The following TSPAN18 variants were observed in gnomAD, a reference collection of about 807,000 sequenced individuals.
TSPAN18 encodes the protein tetraspanin-18.
In TSPAN18, 14 loss-of-function variants were observed where a neutral mutation model predicts 27.3. The ratio of observed to expected loss-of-function variants is 0.51; its 90% CI spans 0.34 to 0.80. TSPAN18 has a LOEUF of 0.80. Ranked by LOEUF, TSPAN18 falls within the 30% of genes least tolerant of loss-of-function variation. The probability of loss-of-function intolerance (pLI) is 0.01; values close to 1 mark genes in which losing one functional copy is unlikely to be tolerated. For missense variants in TSPAN18, 268 were observed against 323.9 expected (o/e 0.83, Z 1.32); for synonymous variants, 143 against 136.5 (o/e 1.05, Z -0.33).
chr11:44,840,928 A>G (rs1307216251), intron 2 of TSPAN18, among the ~76,000 whole-genome samples: 3 of 152,150 alleles, frequency 2.0e-5, no homozygotes, highest in Non-Finnish European at 4.4e-5. Flanking sequence ...CCAAGGGCGC[A>G]GTGAGAATTA....
Position 44,919,379 on chromosome 11 carries a change from C to T in TSPAN18, c.432+67C>T. The T allele has an allele frequency of 3.0e-6, 4 of 1,343,830 alleles. No homozygotes were observed. The Middle Eastern group carries it at 7.2e-4, about 242-fold the overall frequency. The allele number at this position is 1,343,830 out of a possible 1,614,324, so 83.2% of individuals were successfully genotyped here. A position where few individuals can be genotyped will look rare whatever the true frequency, so the allele number is the denominator to read the frequency against. On this transcript the variant is annotated intron_variant, in intron 7 of 9. Transcript: ENST00000520358. ...GATGCCCAGTGTTCACATGCCCACG[C>T]CAGGCATCAGTAATCAATCCAGGCA...
chr11:44,844,426 G>C (rs1300312420), intron 2 of TSPAN18, among the ~76,000 whole-genome samples: 2 of 152,208 alleles, frequency 1.3e-5, no homozygotes, highest in Non-Finnish European at 2.9e-5. Flanking sequence ...CTGTCAAATA[G>C]AGTGGGCATG....
chr11:44,771,090 C>G lies in TSPAN18; in HGVS notation c.-153+6578C>G, dbSNP rs1159496108. On this transcript the variant is annotated intron_variant, in intron 2 of 9. Transcript: ENST00000520358. ...AGCCATCAGCTTATAGAGAGTATTT[C>G]AAACCTTTGACCATAATGAGATCAC... 2.0e-5 allele frequency among the ~76,000 whole-genome samples: 3 copies of G among 152,120 alleles called. No homozygotes were observed. The East Asian group carries it at 5.8e-4, about 29-fold the overall frequency.
At chr11:44,788,538 A>G (rs1590469015) in intron 2 of TSPAN18, among the ~76,000 whole-genome samples, 1 of 148,120 alleles carries the variant, frequency 6.8e-6, no homozygotes, top group African/African-American at 2.5e-5. Flanking sequence ...GCTCACTGCA[A>G]CCTCTGACTC....
chr11:44,844,509 C>A (rs1857440736), intron 2 of TSPAN18, among the ~76,000 whole-genome samples: 1 of 152,220 alleles, frequency 6.6e-6, no homozygotes, highest in African/African-American at 2.4e-5. Context: ...TTGGCATCAT[C>A]TGCCCAGTTT....
chr11:44,771,741 G>A (rs927091551), intron 2 of TSPAN18, among the ~76,000 whole-genome samples: 6 of 152,176 alleles, frequency 3.9e-5, no homozygotes, highest in Non-Finnish European at 2.9e-5. Flanking sequence ...GCTATCATGA[G>A]TAAACTAGAG....
intron 5 of TSPAN18, among the ~76,000 whole-genome samples, chr11:44,915,261 C>T (rs1859863219): frequency 6.6e-6 from 1 of 152,186 alleles, no homozygotes; most frequent in South Asian, 2.1e-4. Flanking sequence ...CCATCCATCA[C>T]CAGCCAAATG....
chr11:44,740,853 T>A (rs1186306749), intron 1 of TSPAN18, among the ~76,000 whole-genome samples: 1 of 152,238 alleles, frequency 6.6e-6, no homozygotes, highest in Non-Finnish European at 1.5e-5. Flanking sequence ...GGTTGAGATC[T>A]TGGCTCACTG....
chr11:44,921,213 C>T (rs1225926800), intron 8 of TSPAN18, among the ~76,000 whole-genome samples: 5 of 152,114 alleles, frequency 3.3e-5, no homozygotes, highest in Non-Finnish European at 5.9e-5. Context: ...CCACTGTGGA[C>T]GTGGGGCAGA....
chr11:44,903,149 G>A lies in TSPAN18; in HGVS notation c.-10-3258G>A, dbSNP rs760369540. ...GCAGTGGTAGATGTCAGCAGAAGCC[G>A]TGGGATATTATACTAGGGGAAGGCA... On this transcript the variant is annotated intron_variant, in intron 3 of 9. Coordinates refer to ENST00000520358, the MANE Select transcript of TSPAN18 (RefSeq NM_130783.5). Among the ~76,000 whole-genome samples the A allele has an allele frequency of 1.7e-4, 26 of 152,170 alleles. 1 individual carries two copies. The highest frequency in any genetic ancestry group is 1.9e-4 in the African/African-American group (8 of 41,516).
chr11:44,728,710 C>CT, intron 1 of TSPAN18, among the ~76,000 whole-genome samples: 1 of 152,288 alleles, frequency 6.6e-6, no homozygotes, highest in East Asian at 1.9e-4. Context: ...GTTGTCTGGC[C>CT]TCAGGGTCCC....
At chr11:44,897,760 A>G (rs1376365140) in intron 3 of TSPAN18, 1 of 1,289,232 alleles carries the variant, frequency 7.8e-7, no homozygotes, top group East Asian at 5.5e-5. Context: ...AGCTGGGCCG[A>G]TAAAAGAAAT....
chr11:44,792,683 C>T (rs956852944), intron 2 of TSPAN18, among the ~76,000 whole-genome samples: 1 of 152,166 alleles, frequency 6.6e-6, no homozygotes, highest in Non-Finnish European at 1.5e-5. Context: ...CCCTCTGATC[C>T]TCACTCAGTG....
At chr11:44,733,791 G>A (rs7106120) in intron 1 of TSPAN18, among the ~76,000 whole-genome samples, 146,611 of 152,242 alleles carry the variant, frequency 0.96, 70,724 homozygotes, top group Non-Finnish European at 1. Context: ...CTTCCAAGGC[G>A]CACCTGGTGC....
intron 2 of TSPAN18, among the ~76,000 whole-genome samples, chr11:44,801,677 C>T (rs572263043): frequency 2.4e-4 from 37 of 152,312 alleles, no homozygotes; most frequent in Admixed American, 4.6e-4. Flanking sequence ...TTCCCAGTGA[C>T]CTTGGAGGAG....
At chr11:44,743,967 T>C (rs1302134753) in intron 1 of TSPAN18, among the ~76,000 whole-genome samples, 2 of 152,228 alleles carry the variant, frequency 1.3e-5, no homozygotes, top group Non-Finnish European at 2.9e-5. Flanking sequence ...ATTTTAGTTA[T>C]TTTTGTTTTT....
chr11:44,871,932 CT>C (rs1284234778), intron 3 of TSPAN18, among the ~76,000 whole-genome samples: 3 of 151,092 alleles, frequency 2.0e-5, no homozygotes, highest in Non-Finnish European at 3.0e-5. Context: ...TTCTCTTCCT[CT>C]TTTTTTTTGA....
intron 3 of TSPAN18, among the ~76,000 whole-genome samples, chr11:44,899,672 T>G (rs1859187180): frequency 6.6e-6 from 1 of 152,218 alleles, no homozygotes; most frequent in Non-Finnish European, 1.5e-5. Context: ...TACCATTTCA[T>G]GCTCAGCACA....
chr11:44,761,795 G>A (rs1221437742), intron 1 of TSPAN18, among the ~76,000 whole-genome samples: 1 of 152,212 alleles, frequency 6.6e-6, no homozygotes, highest in Non-Finnish European at 1.5e-5. Context: ...GCTCATAAAA[G>A]CTCATTATCA....
Sources: allele counts gnomAD v4.1 joint callset (sites outside exome capture counted in the v4.1 genomes callset), GRCh38; gene constraint gnomAD v4.1.1; transcripts MANE v1.5; gene names NCBI Gene and HGNC (gene_info 2026-07-23, HGNC 2026-07-21).